Variants in FGF12 observed in about 807,000 individuals in gnomAD.
FGF12 encodes fibroblast growth factor 12B.
FGF12 carries 14 observed loss-of-function variants against 23.6 expected under a neutral mutation model. That is an observed-to-expected ratio of 0.59 (90% CI 0.39 to 0.93). The LOEUF (loss-of-function observed/expected upper bound fraction) is 0.93. Among genes scored for constraint, FGF12 ranks in the 40% least tolerant of loss-of-function variants. FGF12 has a pLI of 0.00. For synonymous variants in FGF12, 62 were observed against 77.3 expected (o/e 0.80, Z 1.04); for missense variants, 175 against 217.8 (o/e 0.80, Z 1.24).
chr3:192,163,107 A>G (rs1714969945), intron 5 of FGF12, among the ~76,000 whole-genome samples: 1 of 152,144 alleles, frequency 6.6e-6, no homozygotes, highest in Non-Finnish European at 1.5e-5. Context: ...GAGATAAATT[A>G]TTTTCTCAAA....
intron 4 of FGF12, among the ~76,000 whole-genome samples, chr3:192,235,758 A>T (rs1313970796): frequency 1.3e-5 from 2 of 152,056 alleles, no homozygotes; most frequent in African/African-American, 2.4e-5. Flanking sequence ...TTTCATTTTT[A>T]TTAATCTACC....
At chr3:192,159,943 AGTGTGTGTGTGTGT>A (rs10575323) in intron 5 of FGF12, among the ~76,000 whole-genome samples, 20,625 of 149,284 alleles carry the variant, frequency 0.14, 1,599 homozygotes, top group East Asian at 0.33. Flanking sequence ...ATATTTAAGT[AGTGTGTGTGTGTGT>A]GTGTGTGTGT....
intron 2 of FGF12, among the ~76,000 whole-genome samples, chr3:192,676,774 G>A (rs1717341105): frequency 6.6e-6 from 1 of 152,102 alleles, no homozygotes; most frequent in African/African-American, 2.4e-5. Flanking sequence ...CAGCAGTGAG[G>A]GCAAGGAATG....
intron 4 of FGF12, among the ~76,000 whole-genome samples, chr3:192,245,440 A>C (rs1711518412): frequency 6.6e-6 from 1 of 152,128 alleles, no homozygotes; most frequent in Non-Finnish European, 1.5e-5. Context: ...TTTACTCAGC[A>C]AACATTTATT....
intron 2 of FGF12, among the ~76,000 whole-genome samples, chr3:192,667,597 C>G (rs1457167689): frequency 8.7e-6 from 1 of 114,890 alleles, no homozygotes; most frequent in Non-Finnish European, 1.6e-5. Context: ...GGCGACAGAG[C>G]GAGACTCCGT....
chr3:192,362,883 CTAAAG>C (rs1718796412), intron 2 of FGF12, among the ~76,000 whole-genome samples: 1 of 152,066 alleles, frequency 6.6e-6, no homozygotes, highest in Admixed American at 6.6e-5. Flanking sequence ...TGTAAAGCCA[CTAAAG>C]TAAACAGTGG....
intron 5 of FGF12, among the ~76,000 whole-genome samples, chr3:192,162,759 C>T (rs1714952006): frequency 6.6e-6 from 1 of 152,072 alleles, no homozygotes. Flanking sequence ...TTAGTGTCCA[C>T]CAGTTGGAGT....
intron 2 of FGF12, among the ~76,000 whole-genome samples, chr3:192,453,661 A>T (rs1272516573): frequency 6.6e-6 from 1 of 151,808 alleles, no homozygotes; most frequent in African/African-American, 2.4e-5. Flanking sequence ...TTTTGTCAGG[A>T]TTTAGTACTG....
chr3:192,189,099 C>T (rs147337433), intron 4 of FGF12, among the ~76,000 whole-genome samples: 65 of 152,308 alleles, frequency 4.3e-4, no homozygotes, highest in African/African-American at 1.5e-3. Context: ...AACTACTTGA[C>T]ATTTCATGCC....
At position 192,408,954 on chromosome 3, in the gene FGF12, G is replaced by A. The variant is rs916071929; in HGVS notation, c.14-48416C>T. 1.0e-6 allele frequency: 1 copy of A among 985,108 alleles called. No homozygotes were observed. The highest frequency in any genetic ancestry group is 1.2e-6 in the Non-Finnish European group (1 of 829,898). 61.0% of individuals were successfully genotyped at this position (985,108 alleles called of 1,614,324 possible). ...CCCGAGTTCTGGAATTCCGAGAGGCGCGAAGTGGGAGCGGTTACCCGGAGT... is the reference window on the plus strand; with the variant it reads ...CCCGAGTTCTGGAATTCCGAGAGGCACGAAGTGGGAGCGGTTACCCGGAGT... On this transcript the variant is annotated intron_variant, in intron 2 of 5. Transcript: ENST00000445105. This position sits in a 1 kb window ranked among gnomAD's most constrained non-coding sequence, Gnocchi z 7.3.
intron 2 of FGF12, among the ~76,000 whole-genome samples, chr3:192,632,272 A>G (rs1020035913): frequency 2.6e-5 from 4 of 152,182 alleles, no homozygotes; most frequent in African/African-American, 4.8e-5. Flanking sequence ...TTTTAACTTG[A>G]TATACATATT....
At chr3:192,273,361 C>T (rs1424588813) in intron 4 of FGF12, among the ~76,000 whole-genome samples, 1 of 152,094 alleles carries the variant, frequency 6.6e-6, no homozygotes, top group Non-Finnish European at 1.5e-5. Context: ...AAGAAAACTT[C>T]ACAAAATACA....
intron 4 of FGF12, among the ~76,000 whole-genome samples, chr3:192,227,149 C>A (rs540600806): frequency 6.6e-6 from 1 of 152,154 alleles, no homozygotes; most frequent in Admixed American, 6.6e-5. Flanking sequence ...TTTGTTACAG[C>A]GGCTCAAACA....
At chr3:192,603,821 G>C (rs1028559267) in intron 2 of FGF12, among the ~76,000 whole-genome samples, 1 of 152,162 alleles carries the variant, frequency 6.6e-6, no homozygotes. Flanking sequence ...TGCACGTATT[G>C]TCTTGATAAA....
chr3:192,516,954 A>T (rs1263091947), intron 2 of FGF12: 1 of 152,274 alleles, frequency 6.6e-6, no homozygotes, highest in South Asian at 2.1e-4. Flanking sequence ...AGAGACAATT[A>T]GCAAAAGGAA....
intron 4 of FGF12, among the ~76,000 whole-genome samples, chr3:192,197,303 C>T (rs189451017): frequency 1.9e-4 from 29 of 152,154 alleles, no homozygotes; most frequent in Admixed American, 1.6e-3. Context: ...GTTTCAAACA[C>T]GTATCGTGTG....
At chr3:192,560,108 C>T (rs953790394) in intron 2 of FGF12, among the ~76,000 whole-genome samples, 5 of 151,762 alleles carry the variant, frequency 3.3e-5, no homozygotes, top group African/African-American at 7.3e-5. Flanking sequence ...TATTTTGAAA[C>T]GAAACAGCAC....
intron 2 of FGF12, among the ~76,000 whole-genome samples, chr3:192,488,546 T>C (rs376477156): frequency 1.8e-4 from 27 of 152,170 alleles, no homozygotes; most frequent in African/African-American, 5.8e-4. Context: ...GATTCTTTTC[T>C]TTCTCTTTCC....
intron 2 of FGF12, among the ~76,000 whole-genome samples, chr3:192,552,876 G>A (rs1041123164): frequency 2.0e-5 from 3 of 151,968 alleles, no homozygotes; most frequent in Non-Finnish European, 2.9e-5. Flanking sequence ...GGGTGACAGG[G>A]TGAGACTCTG....
Sources: gnomAD v4.1 joint callset for allele counts (sites outside exome capture counted in the v4.1 genomes callset) on GRCh38, gnomAD v4.1.1 for gene constraint, Gnocchi (gnomAD v3.1) non-coding constraint, MANE v1.5 for transcripts, NCBI Gene and HGNC (gene_info 2026-07-23, HGNC 2026-07-21) for gene names.